CEP128: variants seen among roughly 807,000 people sequenced by gnomAD.
CEP128 encodes centrosomal protein 128kDa.
In CEP128, 132 loss-of-function variants were observed where a neutral mutation model predicts 156.7. The observed-to-expected ratio is 0.84, with a 90% CI of 0.73 to 0.97. The LOEUF is 0.97. CEP128 is among the 50% of genes least tolerant of loss of function. The pLI, the probability that CEP128 is intolerant of heterozygous loss-of-function variation, is 0.00. For missense variants in CEP128, 1,252 were observed against 1,281.9 expected (o/e 0.98, Z 0.36); for synonymous variants, 469 against 448.9 (o/e 1.04, Z -0.57).
intron 19 of CEP128, among the ~76,000 whole-genome samples, chr14:80,737,210 C>T (rs1336222497): frequency 1.3e-5 from 2 of 151,982 alleles, no homozygotes; most frequent in African/African-American, 2.4e-5. Context: ...TCAAGACCAG[C>T]CCGGCCAGTA....
At chr14:80,545,542 T>C (rs766507938) in intron 21 of CEP128, among the ~76,000 whole-genome samples, 12 of 152,206 alleles carry the variant, frequency 7.9e-5, no homozygotes, top group Admixed American at 2.0e-4. Flanking sequence ...AGTTCATGAC[T>C]GAGCAAACTG....
chr14:80,740,449 T>TACACACACAC lies in CEP128; in HGVS notation c.2806+2616_2806+2625dup, dbSNP rs58752743. On this transcript the variant is annotated intron_variant, in intron 19 of 24. Transcript: ENST00000555265. ...AAAACTAGTAAAATGTATATACACA[T>TACACACACAC]ACACACACACACACACACACACACA... 8.9e-3 allele frequency among the ~76,000 whole-genome samples: 1,295 copies of TACACACACAC among 146,178 alleles called. 11 individuals carry two copies. Among genetic ancestry groups the TACACACACAC allele is most frequent in the East Asian group, 0.027 (132 of 4,858 alleles).
intron 2 of CEP128, 137 bp from the exon 3 acceptor site, chr14:80,916,699 A>G (rs886276819): frequency 1.6e-6 from 1 of 629,350 alleles, no homozygotes; most frequent in African/African-American, 1.9e-5. Flanking sequence ...TTCTACATAC[A>G]TAGCTTAAAA....
intron 19 of CEP128, among the ~76,000 whole-genome samples, chr14:80,631,699 T>C (rs1401981969): frequency 6.6e-6 from 1 of 152,126 alleles, no homozygotes; most frequent in Admixed American, 6.5e-5. Context: ...AGTCATTTAT[T>C]CATGTAATAC....
rs997696445 is a variant in CEP128 at position 80,879,396 on chromosome 14, C to A, written c.645+16322G>T. 2.6e-5 allele frequency among the ~76,000 whole-genome samples: 4 copies of A among 151,898 alleles called. No individual in the cohort carries two copies. The South Asian group carries it at 6.2e-4, about 24-fold the overall frequency. Reference sequence around the variant, plus strand: ...CCCAAAGGAATTTCAAAATAATACTCTAAAAACTCCAATGAGATGCAAGAA... The same window carrying A: ...CCCAAAGGAATTTCAAAATAATACTATAAAAACTCCAATGAGATGCAAGAA... On this transcript the variant is annotated intron_variant, in intron 8 of 24. Transcript: ENST00000555265.
At chr14:80,770,194 G>A (rs1413242065) in intron 16 of CEP128, among the ~76,000 whole-genome samples, 1 of 152,164 alleles carries the variant, frequency 6.6e-6, no homozygotes, top group Non-Finnish European at 1.5e-5. Context: ...GGGTACAACT[G>A]GTAAACTTTG....
At chr14:80,836,358 A>T in intron 11 of CEP128, 21 bp from the exon 12 acceptor site, 6 of 1,613,314 alleles carry the variant, frequency 3.7e-6, no homozygotes, top group Non-Finnish European at 5.1e-6. Flanking sequence ...GTCAAAAATC[A>T]AACATCGGTT....
chr14:80,822,429 G>C (rs1885237534), intron 13 of CEP128: 1 of 463,300 alleles, frequency 2.2e-6, no homozygotes, highest in African/African-American at 2.0e-5. Context: ...TTCAAAATGG[G>C]AGCAGTGTGA....
At chr14:80,830,786 G>A (rs373570809) in intron 13 of CEP128, 18 of 195,910 alleles carry the variant, frequency 9.2e-5, no homozygotes, top group African/African-American at 3.6e-4. Context: ...AGTTTCACCC[G>A]CAAAATAAAT....
chr14:80,480,249 C>G (rs1322591675), intron 14 of CEP128, among the ~76,000 whole-genome samples: 3 of 152,206 alleles, frequency 2.0e-5, no homozygotes, highest in Non-Finnish European at 4.4e-5. Flanking sequence ...AGCAGAGGTT[C>G]TCCATGAGAA....
rs1374814995 is a variant in CEP128 at position 80,831,149 on chromosome 14, T to C, written c.1203A>G (p.Gln401=). ...KDKEKAHLAS[Q]VENLTRELEN... ...TTAAAAAGAGCAAAGTCACCTCTAC[T>C]TGTGATGCCAAATGTGCTTTCTCCT... is the stretch of plus-strand genomic sequence containing the variant. The change falls in exon 13 of 25, where the codon CAA becomes CAG. Residue 401 remains glutamine, a synonymous_variant. Transcript: ENST00000555265. 5 of 1,613,962 alleles carry C rather than the reference T, an allele frequency of 3.1e-6. No homozygotes were observed. The highest frequency in any genetic ancestry group is 1.3e-5 in the African/African-American group (1 of 75,036).
intron 19 of CEP128, among the ~76,000 whole-genome samples, chr14:80,711,016 A>G (rs1897381870): frequency 6.6e-6 from 1 of 152,164 alleles, no homozygotes; most frequent in Admixed American, 6.6e-5. Context: ...CATCCTCTTA[A>G]GAGAAACAGT....
intron 19 of CEP128, among the ~76,000 whole-genome samples, chr14:80,645,137 C>T (rs948785219): frequency 6.6e-5 from 10 of 152,064 alleles, no homozygotes; most frequent in Admixed American, 2.0e-4. Flanking sequence ...GTCATAACCA[C>T]GTAAGCTAAC....
intron 8 of CEP128, among the ~76,000 whole-genome samples, chr14:80,877,818 G>A (rs1345727600): frequency 6.6e-6 from 1 of 152,116 alleles, no homozygotes; most frequent in African/African-American, 2.4e-5. Flanking sequence ...CAGGAACCCA[G>A]AGCCTTGAAG....
At chr14:80,479,464 A>G (rs1296287229) in intron 14 of CEP128, among the ~76,000 whole-genome samples, 1 of 152,118 alleles carries the variant, frequency 6.6e-6, no homozygotes, top group East Asian at 1.9e-4. Flanking sequence ...AGAGAAAAAT[A>G]AGAAGAAGCA....
chr14:80,909,120 C>A (rs887996959), intron 4 of CEP128, among the ~76,000 whole-genome samples: 1 of 150,038 alleles, frequency 6.7e-6, no homozygotes, highest in Admixed American at 6.7e-5. Context: ...TAAGACTTAC[C>A]CTTCTGGACT....
Position 80,888,000 on chromosome 14 carries a change from C to A in CEP128, c.645+7718G>T, listed in dbSNP as rs1002392885. ...CTACCATCAGAGAATACTATAAATACCTCTATGTAAATATACCAGAAAATC... is the reference window on the plus strand; with the variant it reads ...CTACCATCAGAGAATACTATAAATAACTCTATGTAAATATACCAGAAAATC... On this transcript the variant is annotated intron_variant, in intron 8 of 24. Coordinates refer to ENST00000555265, the MANE Select transcript of CEP128 (RefSeq NM_152446.5). Among the ~76,000 whole-genome samples the A allele has an allele frequency of 9.3e-4, 141 of 152,208 alleles. 1 individual carries two copies. Among genetic ancestry groups the A allele is most frequent in the Non-Finnish European group, 8.1e-4 (55 of 68,008 alleles).
At chr14:80,896,359 A>C (rs8016601) in intron 7 of CEP128, among the ~76,000 whole-genome samples, 19,485 of 152,078 alleles carry the variant, frequency 0.13, 1,666 homozygotes, top group East Asian at 0.45. Context: ...CCTTCTGTCT[A>C]GCACTGTCTT....
chr14:80,725,744 A>T (rs551661805), intron 19 of CEP128, among the ~76,000 whole-genome samples: 5 of 152,130 alleles, frequency 3.3e-5, no homozygotes, highest in African/African-American at 1.2e-4. Context: ...CTCCGGAAGA[A>T]GTATGCAGTA....
Sources: gnomAD v4.1 joint callset for allele counts (sites outside exome capture counted in the v4.1 genomes callset) on GRCh38, gnomAD v4.1.1 for gene constraint, MANE v1.5 for transcripts, NCBI Gene and HGNC (gene_info 2026-07-23, HGNC 2026-07-21) for gene names.